MAX: variants seen among roughly 807,000 people sequenced by gnomAD.
MAX encodes MYC associated transcriptional regulator X.
A neutral mutation model predicts 22.3 loss-of-function variants in MAX; 3 were observed. The ratio of observed to expected loss-of-function variants is 0.13; its 90% CI spans 0.06 to 0.35. MAX has a LOEUF of 0.35. Among genes scored for constraint, MAX ranks in the 10% least tolerant of loss-of-function variants. The pLI is 1.00. For synonymous variants in MAX, 72 were observed against 77.7 expected, an observed-to-expected ratio of 0.93 and a Z score of 0.39; for missense variants, 119 against 209.4, an observed-to-expected ratio of 0.57 and a Z score of 2.66.
chr14:65,044,566 T>C lies in MAX; in HGVS notation c.172-38282A>G. The C allele has an allele frequency of 7.1e-7, 1 of 1,413,148 alleles. No individual in the cohort carries two copies. The highest frequency in any genetic ancestry group is 9.4e-7 in the Non-Finnish European group (1 of 1,067,242). 87.5% of individuals were successfully genotyped at this position (1,413,148 alleles called of 1,614,324 possible). A position where few individuals can be genotyped will look rare whatever the true frequency, so the allele number is the denominator to read the frequency against. ...AGCTCTGTCTATCCTGGATTTTGAGTGCCCAGTGTGGAACCTCATGCCGTG... is the reference window on the plus strand; with the variant it reads ...AGCTCTGTCTATCCTGGATTTTGAGCGCCCAGTGTGGAACCTCATGCCGTG... On this transcript the variant is annotated intron_variant, in intron 3 of 3. Coordinates refer to the MAX transcript ENST00000341653. The surrounding 1 kb of genome is among the most constrained non-coding windows in gnomAD (Gnocchi z 5.5).
downstream of MAX, chr14:65,075,117 C>A (rs1460635488): frequency 4.7e-5 from 48 of 1,015,050 alleles, no homozygotes; most frequent in Non-Finnish European, 5.5e-5. The surrounding 1 kb of genome is among the most constrained non-coding windows in gnomAD (Gnocchi z 4.1). Context: ...AAGAAGACAC[C>A]ACCACCAAGA....
chr14:65,095,004 AG>A (rs1431865547), intron 2 of MAX, among the ~76,000 whole-genome samples: 2 of 152,258 alleles, frequency 1.3e-5, no homozygotes, highest in African/African-American at 4.8e-5. Context: ...AACTTGGCTT[AG>A]CACAAGAATA....
At position 65,016,746 on chromosome 14, in the gene MAX, A is replaced by G. The variant is rs545232931; in HGVS notation, c.172-10462T>C. 7.2e-5 allele frequency among the ~76,000 whole-genome samples: 11 copies of G among 152,244 alleles called. 1 individual carries two copies. Among genetic ancestry groups the G allele is most frequent in the African/African-American group, 2.4e-4 (10 of 41,550 alleles). On this transcript the variant is annotated intron_variant, in intron 3 of 3. Transcript: ENST00000341653. Reference sequence around the variant, plus strand: ...TGAATGTGGATGGGGAAGATAATAAAGAATTAGGCCATTAACCCTTGTGGT... The same window carrying G: ...TGAATGTGGATGGGGAAGATAATAAGGAATTAGGCCATTAACCCTTGTGGT...
chr14:65,036,200 T>C (rs1016534063), intron 3 of MAX, among the ~76,000 whole-genome samples: 1 of 152,158 alleles, frequency 6.6e-6, no homozygotes, highest in Admixed American at 6.5e-5. Context: ...TTTCCTTATA[T>C]GTCAAGTGGT....
chr14:65,043,290 A>G (rs940884361), intron 3 of MAX, among the ~76,000 whole-genome samples: 2 of 152,244 alleles, frequency 1.3e-5, no homozygotes, highest in Non-Finnish European at 2.9e-5. Context: ...AAACTTGTAG[A>G]TAAGCAAGGA....
Position 65,044,229 on chromosome 14 carries a change from C to G in MAX, c.172-37945G>C. ...ACAAGATGGGAAACCCTCCATCCCACAGATTGACTCCTGGAGATTCTGTCG... is the reference window on the plus strand; with the variant it reads ...ACAAGATGGGAAACCCTCCATCCCAGAGATTGACTCCTGGAGATTCTGTCG... On this transcript the variant is annotated intron_variant, in intron 3 of 3. Transcript: ENST00000341653. The surrounding 1 kb of genome is among the most constrained non-coding windows in gnomAD (Gnocchi z 5.5). 7 of 1,599,942 alleles carry G rather than the reference C, an allele frequency of 4.4e-6. No individual in the cohort carries two copies. Among genetic ancestry groups the G allele is most frequent in the Non-Finnish European group, 6.0e-6 (7 of 1,175,122 alleles).
Position 65,077,109 on chromosome 14 carries a change from C to T in MAX, c.296-446G>A. The T allele has an allele frequency of 5.1e-6, 3 of 593,012 alleles. No individual in the cohort carries two copies. The highest frequency in any genetic ancestry group is 8.9e-6 in the Non-Finnish European group (3 of 336,434). 36.7% of individuals were successfully genotyped at this position (593,012 alleles called of 1,614,324 possible). On this transcript the variant is annotated intron_variant, in intron 4 of 4. Transcript: ENST00000358664. The surrounding 1 kb of genome is among the most constrained non-coding windows in gnomAD (Gnocchi z 6.3). ...ACAGTTTTGGCTTAGCTCTCGTGTACAAGATCCACTTGGAATGACAAGCTG... is the reference window on the plus strand; with the variant it reads ...ACAGTTTTGGCTTAGCTCTCGTGTATAAGATCCACTTGGAATGACAAGCTG...
At chr14:65,039,514 C>G (rs1187490309) in intron 3 of MAX, among the ~76,000 whole-genome samples, 3 of 152,196 alleles carry the variant, frequency 2.0e-5, no homozygotes, top group African/African-American at 7.2e-5. Flanking sequence ...ACGCATTCCA[C>G]TTTGTGGAGG....
intron 3 of MAX, among the ~76,000 whole-genome samples, chr14:65,065,457 G>A (rs1260890286): frequency 6.6e-6 from 1 of 152,184 alleles, no homozygotes; most frequent in African/African-American, 2.4e-5. Context: ...ATCATGGAGT[G>A]CACTTACACA....
rs1396088892 is a variant in MAX at position 65,032,901 on chromosome 14, T to G, written c.172-26617A>C. On this transcript the variant is annotated intron_variant, in intron 3 of 3. Coordinates refer to the MAX transcript ENST00000341653. The surrounding 1 kb of genome is among the most constrained non-coding windows in gnomAD (Gnocchi z 5.0). ...TTTAATGTTATATTATATTTTAGATTGGCAAAGATAAAAAACTTTGGTAAA... is the reference window on the plus strand; with the variant it reads ...TTTAATGTTATATTATATTTTAGATGGGCAAAGATAAAAAACTTTGGTAAA... 6.9e-6 allele frequency among the ~76,000 whole-genome samples: 1 copy of G among 144,122 alleles called. No homozygotes were observed. Among genetic ancestry groups the G allele is most frequent in the African/African-American group, 2.5e-5 (1 of 40,152 alleles). The allele number at this position is 144,122 out of a possible 152,430, so 94.5% of individuals were successfully genotyped here.
rs74554375 is a variant in MAX, at chr14:65,010,912, T to G, written c.172-4628A>C. Among the ~76,000 whole-genome samples, 1,395 of 152,326 alleles carry G rather than the reference T, an allele frequency of 9.2e-3. 22 individuals carry two copies. Among genetic ancestry groups the G allele is most frequent in the African/African-American group, 0.031 (1,293 of 41,566 alleles). On this transcript the variant is annotated intron_variant, in intron 3 of 3. Coordinates refer to the MAX transcript ENST00000341653. ...ATTAGCCACCTGCAGCTATTTAAAC[T>G]TGAATTAAAATTGAATTAAAATTTT...
At chr14:65,025,409 G>A (rs986435713) in intron 3 of MAX, among the ~76,000 whole-genome samples, 3 of 152,240 alleles carry the variant, frequency 2.0e-5, no homozygotes, top group African/African-American at 7.2e-5. Flanking sequence ...GCCAGCCTTT[G>A]TTAGGGCATG....
Position 65,078,389 on chromosome 14 carries a change from AAAT to A in MAX, c.172-356_172-354del, listed in dbSNP as rs1290727844. On this transcript the variant is annotated intron_variant, in intron 3 of 4. Coordinates refer to ENST00000358664, the MANE Select transcript of MAX (RefSeq NM_002382.5). The surrounding 1 kb of genome is among the most constrained non-coding windows in gnomAD (Gnocchi z 6.4). Reference sequence around the variant, plus strand: ...TCTAATTTTTTTGTATTTTTAGTAGAAATGCGGTTTCACCATGTTAGCCAGGCT... The same window carrying A: ...TCTAATTTTTTTGTATTTTTAGTAGAGCGGTTTCACCATGTTAGCCAGGCT... 4.6e-5 allele frequency among the ~76,000 whole-genome samples: 7 copies of A among 151,996 alleles called. No homozygotes were observed. Among genetic ancestry groups the A allele is most frequent in the African/African-American group, 1.7e-4 (7 of 41,366 alleles).
Position 65,027,466 on chromosome 14 carries a change from C to T in MAX, c.172-21182G>A. On this transcript the variant is annotated intron_variant, in intron 3 of 3. Transcript: ENST00000341653. The surrounding 1 kb of genome is among the most constrained non-coding windows in gnomAD (Gnocchi z 5.7). ...CTGTGTACCTAGTGTGTGTCAGTTC[C>T]TGGAGCTGTGTCAGAGCCCAGAAGG... The T allele has an allele frequency of 6.2e-7, 1 of 1,614,156 alleles. No individual in the cohort carries two copies.
In MAX at chr14:65,062,040, T is replaced by C. The variant is rs1381506770; in HGVS notation, c.171+31668A>G. ...TTATGAGTGGAAAGTGACCCTCTAG[T>C]TCAACTGTGCCAGAGGAAACAGCCC... is the stretch of plus-strand genomic sequence containing the variant. On this transcript the variant is annotated intron_variant, in intron 3 of 3. Transcript: ENST00000341653. The surrounding 1 kb of genome is among the most constrained non-coding windows in gnomAD (Gnocchi z 4.3). The C allele has an allele frequency of 6.6e-6, 1 of 152,646 alleles. No homozygotes were observed. Among genetic ancestry groups the C allele is most frequent in the Non-Finnish European group, 1.5e-5 (1 of 68,392 alleles). The allele number at this position is 152,646 out of a possible 1,614,324, so 9.5% of individuals were successfully genotyped here. A position where few individuals can be genotyped will look rare whatever the true frequency, so the allele number is the denominator to read the frequency against.
intron 3 of MAX, chr14:65,022,257 A>T: frequency 3.2e-6 from 1 of 310,770 alleles, no homozygotes. Context: ...GACTGTTCCT[A>T]TTTCCAAAGC....
At chr14:65,065,978 G>A (rs73270874) in intron 3 of MAX, among the ~76,000 whole-genome samples, 12 of 152,158 alleles carry the variant, frequency 7.9e-5, no homozygotes, top group East Asian at 1.9e-4. Context: ...GCCCGAGCCC[G>A]TATCTGCTGC....
rs1439514921 is a variant in MAX at position 65,011,714 on chromosome 14, CAGT to C, written c.172-5433_172-5431del. On this transcript the variant is annotated intron_variant, in intron 3 of 3. Transcript: ENST00000341653. This position sits in a 1 kb window ranked among gnomAD's most constrained non-coding sequence, Gnocchi z 4.0. ...TGGGCGGCACATTCCATCTTAAAGC[CAGT>C]ATTGCTGACTTGAAAGCCAAGGACA... 6.6e-6 allele frequency among the ~76,000 whole-genome samples: 1 copy of C among 152,204 alleles called. No homozygotes were observed. Among genetic ancestry groups the C allele is most frequent in the Non-Finnish European group, 1.5e-5 (1 of 68,044 alleles).
intron 3 of MAX, among the ~76,000 whole-genome samples, chr14:65,046,097 C>A (rs931745133): frequency 1.1e-4 from 17 of 152,184 alleles, no homozygotes; most frequent in African/African-American, 3.9e-4. Context: ...CTGCCTTAGC[C>A]TCCTAAATAG....
Sources: allele counts gnomAD v4.1 joint callset (sites outside exome capture counted in the v4.1 genomes callset), GRCh38; gene constraint gnomAD v4.1.1; non-coding constraint Gnocchi (gnomAD v3.1); transcripts MANE v1.5; gene names NCBI Gene and HGNC (gene_info 2026-07-23, HGNC 2026-07-21).